Variants in RBM19 observed in about 807,000 individuals in gnomAD.
RBM19 encodes the protein RNA binding motif protein 19, also known as probable RNA-binding protein 19.
RBM19 carries 94 observed loss-of-function variants against 116.8 expected under a neutral mutation model. That is an observed-to-expected ratio of 0.80 (90% CI 0.68 to 0.95). The LOEUF is 0.95. Ranked by LOEUF, RBM19 falls within the 40% of genes least tolerant of loss-of-function variation. The pLI is 0.00. For synonymous variants in RBM19, 475 were observed against 494.1 expected (o/e 0.96, Z 0.51); for missense variants, 1,161 against 1,220.7 (o/e 0.95, Z 0.73).
intron 21 of RBM19, among the ~76,000 whole-genome samples, chr12:113,869,540 A>C (rs958943324): frequency 6.6e-6 from 1 of 152,210 alleles, no homozygotes; most frequent in Non-Finnish European, 1.5e-5. Flanking sequence ...TCTAGTCTTC[A>C]GCTGCCTCAA....
intron 21 of RBM19, among the ~76,000 whole-genome samples, chr12:113,910,838 A>G (rs1374485926): frequency 6.6e-6 from 1 of 152,154 alleles, no homozygotes; most frequent in Admixed American, 6.5e-5. Flanking sequence ...TCTCCACCAA[A>G]CGCTTGAGCT....
At chr12:113,877,741 G>A (rs1298923389) in intron 21 of RBM19, among the ~76,000 whole-genome samples, 1 of 152,196 alleles carries the variant, frequency 6.6e-6, no homozygotes, top group African/African-American at 2.4e-5. Context: ...CATGTAGACT[G>A]GTCTTCAGAA....
intron 21 of RBM19, among the ~76,000 whole-genome samples, chr12:113,870,084 G>A (rs1879109863): frequency 6.6e-6 from 1 of 152,356 alleles, no homozygotes; most frequent in African/African-American, 2.4e-5. Context: ...GCTGAGGGTG[G>A]AAACCAAGTT....
At chr12:113,932,098 A>C (rs1450077040) in intron 16 of RBM19, among the ~76,000 whole-genome samples, 1 of 152,040 alleles carries the variant, frequency 6.6e-6, no homozygotes, top group Non-Finnish European at 1.5e-5. Context: ...TGTGATCGAG[A>C]AGAGCTGTGA....
intron 21 of RBM19, among the ~76,000 whole-genome samples, chr12:113,861,254 A>G (rs1442046793): frequency 6.6e-6 from 1 of 152,188 alleles, no homozygotes; most frequent in African/African-American, 2.4e-5. Context: ...TCTGAGGTGA[A>G]GCAGGAAGGC....
chr12:113,947,613 A>G, intron 10 of RBM19, 149 bp from the exon 11 acceptor site: 1 of 825,896 alleles, frequency 1.2e-6, no homozygotes, highest in Non-Finnish European at 1.8e-6. Context: ...CAGCAACAAT[A>G]CCTGGGCTGG....
In RBM19 at chr12:113,822,422, C is replaced by T. The variant is rs772391598; in HGVS notation, c.*802G>A. The T allele has an allele frequency of 2.6e-5, 4 of 152,198 alleles. No individual in the cohort carries two copies. The highest frequency in any genetic ancestry group is 9.6e-5 in the African/African-American group (4 of 41,452). The allele number at this position is 152,198 out of a possible 1,614,324, so 9.4% of individuals were successfully genotyped here. On this transcript the variant is annotated 3_prime_UTR_variant, in exon 24 of 24. Transcript: ENST00000261741. Reference sequence around the variant, plus strand: ...GATGCATTTCACAGGGCTCTGGGCCCGTGAGCAGAACGCGTCCACCATGAG... The same window carrying T: ...GATGCATTTCACAGGGCTCTGGGCCTGTGAGCAGAACGCGTCCACCATGAG...
downstream of RBM19, among the ~76,000 whole-genome samples, chr12:113,819,653 C>T (rs1490692510): frequency 6.6e-6 from 1 of 152,166 alleles, no homozygotes; most frequent in African/African-American, 2.4e-5. Flanking sequence ...AGAAAGCTCC[C>T]GTGTCCCCCT....
intron 13 of RBM19, among the ~76,000 whole-genome samples, chr12:113,943,080 C>T (rs1870719777): frequency 1.3e-5 from 2 of 152,180 alleles, no homozygotes; most frequent in Admixed American, 1.3e-4. Context: ...GGCTTTTACC[C>T]CACATTTCCT....
chr12:113,960,048 C>G lies in RBM19; in HGVS notation c.339+11G>C. 1 of 1,614,152 alleles carries G rather than the reference C, an allele frequency of 6.2e-7. No individual in the cohort carries two copies. The highest frequency in any genetic ancestry group is 8.5e-7 in the Non-Finnish European group (1 of 1,180,032). On this transcript the variant is annotated intron_variant, in intron 3 of 23. Transcript: ENST00000261741. ...CAGTGGGGACAGAGGCTAGAGTGACCCTTTACATACTTTCTTAATTTCTGG... is the reference window on the plus strand; with the variant it reads ...CAGTGGGGACAGAGGCTAGAGTGACGCTTTACATACTTTCTTAATTTCTGG...
intron 21 of RBM19, among the ~76,000 whole-genome samples, chr12:113,886,289 T>C (rs1880511633): frequency 6.6e-6 from 1 of 152,144 alleles, no homozygotes; most frequent in Non-Finnish European, 1.5e-5. Flanking sequence ...TGCACCACCA[T>C]GCCCGGCTAA....
chr12:113,834,133 G>A (rs759477580), intron 23 of RBM19, among the ~76,000 whole-genome samples: 1 of 152,164 alleles, frequency 6.6e-6, no homozygotes, highest in African/African-American at 2.4e-5. Context: ...GGGCAGGGGA[G>A]GGGGGCAATC....
intron 16 of RBM19, among the ~76,000 whole-genome samples, chr12:113,928,591 G>A (rs1869327760): frequency 6.9e-6 from 1 of 145,716 alleles, no homozygotes; most frequent in Non-Finnish European, 1.5e-5. Flanking sequence ...TTAGGGAGAG[G>A]AAGAGCAGAT....
Position 113,932,246 on chromosome 12 carries a change from T to C in RBM19, c.2068+4761A>G, listed in dbSNP as rs1415438405. 2.0e-5 allele frequency among the ~76,000 whole-genome samples: 3 copies of C among 152,298 alleles called. No homozygotes were observed. In the East Asian group the frequency reaches 5.8e-4, roughly 29 times the overall value. ...CCATCTAAAAAGGGGCTGGCCATCA[T>C]GGTGCCTACTTGCAGGACGATGATG... On this transcript the variant is annotated intron_variant, in intron 16 of 23. Coordinates refer to ENST00000261741, the MANE Select transcript of RBM19 (RefSeq NM_016196.4).
At position 113,825,880 on chromosome 12, in the gene RBM19, TC is replaced by T. The variant is rs1489166098; in HGVS notation, c.2786-2560del. On this transcript the variant is annotated intron_variant, in intron 23 of 23. Transcript: ENST00000261741. The surrounding 1 kb of genome is among the most constrained non-coding windows in gnomAD (Gnocchi z 5.7). ...CGGCAGCCAGAGGGAGCTTGTTAAATCCTCCATCACGGCATGCTGTTCCTTT... is the reference window on the plus strand; with the variant it reads ...CGGCAGCCAGAGGGAGCTTGTTAAATCTCCATCACGGCATGCTGTTCCTTT... 6.6e-6 allele frequency among the ~76,000 whole-genome samples: 1 copy of T among 152,154 alleles called. No homozygotes were observed. The highest frequency in any genetic ancestry group is 6.5e-5 in the Admixed American group (1 of 15,280).
At chr12:113,843,487 G>A (rs1410659570) in intron 23 of RBM19, among the ~76,000 whole-genome samples, 2 of 152,160 alleles carry the variant, frequency 1.3e-5, no homozygotes, top group Non-Finnish European at 2.9e-5. Context: ...TCCCCATCAC[G>A]GAGCCTGGCT....
intron 16 of RBM19, among the ~76,000 whole-genome samples, chr12:113,930,140 T>C (rs1302706873): frequency 6.6e-6 from 1 of 152,270 alleles, no homozygotes; most frequent in African/African-American, 2.4e-5. Context: ...AGTCAGCAAG[T>C]ACACCAGCTC....
intron 2 of RBM19, among the ~76,000 whole-genome samples, chr12:113,961,100 G>C (rs1404323090): frequency 1.3e-5 from 2 of 152,222 alleles, no homozygotes; most frequent in Non-Finnish European, 2.9e-5. Context: ...ATAGCTCACT[G>C]CAGCCTCAAA....
At chr12:113,897,757 C>G (rs887291652) in intron 21 of RBM19, among the ~76,000 whole-genome samples, 2 of 152,264 alleles carry the variant, frequency 1.3e-5, no homozygotes, top group South Asian at 2.1e-4. Flanking sequence ...GATTACAGTA[C>G]TGACCATCTG....
Sources: gnomAD v4.1 joint callset for allele counts (sites outside exome capture counted in the v4.1 genomes callset) on GRCh38, gnomAD v4.1.1 for gene constraint, Gnocchi (gnomAD v3.1) non-coding constraint, MANE v1.5 for transcripts, NCBI Gene and HGNC (gene_info 2026-07-23, HGNC 2026-07-21) for gene names.